The following MFSD12 variants were observed in gnomAD, a reference collection of about 807,000 sequenced individuals.
MFSD12 encodes major facilitator superfamily domain-containing protein 12.
MFSD12 carries 67 observed loss-of-function variants against 51.2 expected under a neutral mutation model. The observed-to-expected ratio is 1.31, with a 90% CI of 1.08 to 1.60. The LOEUF (loss-of-function observed/expected upper bound fraction) is 1.60, where lower values mean the gene tolerates loss of function less well. Ranked by LOEUF, MFSD12 falls within the 40% of genes most tolerant of loss-of-function variation. The pLI, the probability that MFSD12 is intolerant of heterozygous loss-of-function variation, is 0.00. For synonymous variants in MFSD12, 441 were observed against 316.7 expected (o/e 1.39, Z -4.17); for missense variants, 921 against 673.0 (o/e 1.37, Z -4.08).
chr19:3,544,807 A>T lies in MFSD12; in HGVS notation c.1420+2T>A, dbSNP rs1376435128. The T allele has an allele frequency of 3.7e-6, 6 of 1,611,988 alleles. No individual in the cohort carries two copies. Among genetic ancestry groups the T allele is most frequent in the South Asian group, 1.1e-5 (1 of 90,918 alleles). On this transcript the variant is annotated splice_donor_variant, in intron 9 of 9. Coordinates refer to ENST00000355415, the MANE Select transcript of MFSD12 (RefSeq NM_174983.5). LOFTEE classifies it high-confidence loss of function. ...GGGAGGGAGGGGTGGGCCAGGACTCACAGCGTCGCAGGCGGGTCGGCCACA... is the reference window on the plus strand; with the variant it reads ...GGGAGGGAGGGGTGGGCCAGGACTCTCAGCGTCGCAGGCGGGTCGGCCACA...
At chr19:3,545,147 CCAT>C (rs1167146764) in intron 8 of MFSD12, among the ~76,000 whole-genome samples, 11 of 152,208 alleles carry the variant, frequency 7.2e-5, no homozygotes, top group African/African-American at 2.7e-4. Flanking sequence ...GCCAAATCCA[CCAT>C]GTCTCCCCTT....
rs370536231 is a variant in MFSD12 at position 3,546,395 on chromosome 19, G to C, written c.1054C>G (p.Leu352Val). Reference sequence around the variant, plus strand: ...AGCGCCACCCAGGCGGCAAAGGCCAGGATCACCAGGAGGCCTGAGAAGTAG... The same window carrying C: ...AGCGCCACCCAGGCGGCAAAGGCCACGATCACCAGGAGGCCTGAGAAGTAG... The part of the protein sequence containing the change: ...MTYFSGLLVI[L>V]AFAAWVALAE... The change falls in exon 7 of 10, where the codon CTG becomes GTG. Residue 352 changes from leucine to valine, a missense_variant. Transcript: ENST00000355415. 8.7e-6 allele frequency: 14 copies of C among 1,607,904 alleles called. No individual in the cohort carries two copies. The African/African-American group carries it at 1.7e-4, about 20-fold the overall frequency.
chr19:3,539,039 C>T, intron 4 of MFSD12: 2 of 647,256 alleles, frequency 3.1e-6, no homozygotes, highest in Non-Finnish European at 2.8e-6. Context: ...GACTCTCCAG[C>T]CCTTCCCTCG....
Position 3,548,174 on chromosome 19 carries a change from T to C in MFSD12, c.603A>G (p.Gln201=), listed in dbSNP as rs1369279235. ...LQGSSRVEPT[Q]DISISDQLGG... ...CCAGCTGGTCGCTGATGCTGATGTC[T>C]TGGGTGGGCTCCACCCGCGACGAGC... is the stretch of plus-strand genomic sequence containing the variant. The change falls in exon 3 of 10, where the codon CAA becomes CAG. Residue 201 remains glutamine, a synonymous_variant. Coordinates refer to ENST00000355415, the MANE Select transcript of MFSD12 (RefSeq NM_174983.5). 6.3e-7 allele frequency: 1 copy of C among 1,595,878 alleles called. No individual in the cohort carries two copies. Among genetic ancestry groups the C allele is most frequent in the Non-Finnish European group, 8.5e-7 (1 of 1,172,940 alleles).
At chr19:3,554,253 A>G (rs577428381) in intron 1 of MFSD12, among the ~76,000 whole-genome samples, 1 of 151,596 alleles carries the variant, frequency 6.6e-6, no homozygotes, top group Admixed American at 6.6e-5. Flanking sequence ...CCTGGACAAT[A>G]TGGTGAAACC....
downstream of MFSD12, chr19:3,544,067 C>A (rs2030717484): frequency 6.8e-7 from 1 of 1,474,672 alleles, no homozygotes; most frequent in African/African-American, 1.4e-5. Flanking sequence ...GGGCACTAAC[C>A]TAGTCCCAGG....
Position 3,547,985 on chromosome 19 carries a change from G to C in MFSD12, c.700C>G (p.Leu234Val). The C allele has an allele frequency of 6.3e-7, 1 of 1,599,328 alleles. No individual in the cohort carries two copies. The highest frequency in any genetic ancestry group is 1.7e-4 in the Middle Eastern group (1 of 6,050). The change falls in exon 4 of 10, where the codon CTA (leucine) becomes GTA (valine). Residue 234 changes from leucine (L) to valine (V), a missense_variant. By Grantham distance (32) the Leu-to-Val change is conservative (BLOSUM62 1). Coordinates refer to ENST00000355415, the MANE Select transcript of MFSD12 (RefSeq NM_174983.5). ...CTCTCCCGGGTGCCCAGGTGGAATA[G>C]CAGTGAGAACACGGCGCCGACACCC... ...VVGVGAVFSL[L>V]FHLGTRERRR...
In MFSD12 at chr19:3,547,968, G is replaced by C; in HGVS notation, c.717C>G (p.Thr239=). Residue 239 remains threonine (T), a synonymous_variant, in exon 4 of 10, where the codon ACC becomes ACG. Transcript: ENST00000355415. The stretch of plus-strand genomic sequence containing the variant: ...CCGCATGCGGCCGGCGCCTCTCCCG[G>C]GTGCCCAGGTGGAATAGCAGTGAGA... ...AVFSLLFHLG[T]RERRRPHAEE... is the part of the protein sequence containing the mutation. 6.3e-7 allele frequency: 1 copy of C among 1,597,500 alleles called. No homozygotes were observed. The highest frequency in any genetic ancestry group is 1.1e-5 in the South Asian group (1 of 90,778).
At position 3,546,040 on chromosome 19, in the gene MFSD12, A is replaced by G. The variant is rs1388443502; in HGVS notation, c.1289+34T>C. ...CAGGCGCTTAATCCCCTCTTACTGA[A>G]CAAAAGAATGAATGAACGAACAGCG... On this transcript the variant is annotated intron_variant, in intron 8 of 9. Coordinates refer to ENST00000355415, the MANE Select transcript of MFSD12 (RefSeq NM_174983.5). The G allele has an allele frequency of 6.2e-5, 100 of 1,608,268 alleles. 1 individual carries two copies. The East Asian group carries it at 2.2e-3, about 36-fold the overall frequency.
At position 3,550,964 on chromosome 19, in the gene MFSD12, GA is replaced by G; in HGVS notation, c.509+19del. ...GCCGGGGCCCACCCTGCCCGTGGGG[GA>G]GGGTGCCCAGGCTCCCACCTGAGTG... is the stretch of plus-strand genomic sequence containing the variant. On this transcript the variant is annotated intron_variant, in intron 2 of 9. Coordinates refer to ENST00000355415, the MANE Select transcript of MFSD12 (RefSeq NM_174983.5). The G allele has an allele frequency of 6.2e-7, 1 of 1,604,636 alleles. No homozygotes were observed. Among genetic ancestry groups the G allele is most frequent in the Non-Finnish European group, 8.5e-7 (1 of 1,175,842 alleles).
At chr19:3,545,020 C>A (rs1189152462) in intron 8 of MFSD12, 81 bp from the exon 9 acceptor site, 1 of 1,495,276 alleles carries the variant, frequency 6.7e-7, no homozygotes, top group Non-Finnish European at 8.9e-7. Context: ...CCTCCCCTCA[C>A]CCCCGACAGC....
In MFSD12 at chr19:3,557,387, G is replaced by C. The variant is rs1301313941; in HGVS notation, c.17C>G (p.Pro6Arg). Residue 6 changes from proline (P) to arginine (R), a missense_variant, in exon 1 of 10, where the codon CCA becomes CGA. Coordinates refer to ENST00000355415, the MANE Select transcript of MFSD12 (RefSeq NM_174983.5). Reference sequence around the variant, plus strand: ...CGGGGACGGCGCCGCTCCGGCCGCTGGGGGTCCCGGGCCCATCGCGGCGCC... The same window carrying C: ...CGGGGACGGCGCCGCTCCGGCCGCTCGGGGTCCCGGGCCCATCGCGGCGCC... MGPGPPAAGAAPSPRP... is the reference protein window; with the variant it reads MGPGPRAAGAAPSPRP... The C allele has an allele frequency of 9.1e-6, 13 of 1,429,460 alleles. No homozygotes were observed. The highest frequency in any genetic ancestry group is 1.5e-5 in the African/African-American group (1 of 66,982). The allele number at this position is 1,429,460 out of a possible 1,614,324, so 88.5% of individuals were successfully genotyped here.
chr19:3,540,536 G>T (rs536127151), downstream of MFSD12, among the ~76,000 whole-genome samples: 9 of 151,488 alleles, frequency 5.9e-5, no homozygotes, highest in African/African-American at 1.9e-4. Flanking sequence ...GATTACAGGC[G>T]TGAGGCACCG....
chr19:3,555,430 G>C (rs2031683179), intron 1 of MFSD12, among the ~76,000 whole-genome samples: 1 of 152,104 alleles, frequency 6.6e-6, no homozygotes, highest in African/African-American at 2.4e-5. Flanking sequence ...GACTGTCAAA[G>C]AGCTTATCCA....
chr19:3,546,297 G>A lies in MFSD12; in HGVS notation c.1152C>T (p.Val384=). The change falls in exon 7 of 10, where the codon GTC becomes GTT. Residue 384 remains valine (V), a synonymous_variant. Coordinates refer to ENST00000355415, the MANE Select transcript of MFSD12 (RefSeq NM_174983.5). ...GGTCGGCCGTCATGGCCAGCGAGGTGACGAGGATGGTGGCACAGCCAGCAC... is the reference window on the plus strand; with the variant it reads ...GGTCGGCCGTCATGGCCAGCGAGGTAACGAGGATGGTGGCACAGCCAGCAC... ...LLGAGCATIL[V]TSLAMTADLI... 1 of 1,610,262 alleles carries A rather than the reference G, an allele frequency of 6.2e-7. No homozygotes were observed. Among genetic ancestry groups the A allele is most frequent in the Non-Finnish European group, 8.5e-7 (1 of 1,179,078 alleles).
In MFSD12 at chr19:3,549,794, C is replaced by A. The variant is rs538894550; in HGVS notation, c.509+1190G>T. Among the ~76,000 whole-genome samples the A allele has an allele frequency of 2.1e-4, 31 of 149,568 alleles. No individual in the cohort carries two copies. In the East Asian group the frequency reaches 5.9e-3, roughly 29 times the overall value. On this transcript the variant is annotated intron_variant, in intron 2 of 9. Transcript: ENST00000355415. ...ATCCCAGCACTTTGGGAGGCCAAGG[C>A]GGGCAGATCACCTGAGGTCAGGCGT...
In MFSD12 at chr19:3,544,923, T is replaced by C; in HGVS notation, c.1306A>G (p.Arg436Gly). 6.2e-7 allele frequency: 1 copy of C among 1,609,910 alleles called. No individual in the cohort carries two copies. Among genetic ancestry groups the C allele is most frequent in the Middle Eastern group, 1.7e-4 (1 of 5,988 alleles). Residue 436 changes from arginine to glycine, a missense_variant, in exon 9 of 10, where the codon AGG becomes GGG. Arg to Gly is a moderately radical substitution (Grantham distance 125). Transcript: ENST00000355415. Reference protein sequence around the residue: ...LHPCPSELCCRACVSFYHWAM... With the variant: ...LHPCPSELCCGACVSFYHWAM... Reference sequence around the variant, plus strand: ...CAGTGGTAAAAGCTCACGCAGGCCCTGCAGCAGAGCTCTGAGCTGTGGGAG... The same window carrying C: ...CAGTGGTAAAAGCTCACGCAGGCCCCGCAGCAGAGCTCTGAGCTGTGGGAG...
At chr19:3,545,168 T>G (rs2030883257) in intron 8 of MFSD12, among the ~76,000 whole-genome samples, 1 of 152,040 alleles carries the variant, frequency 6.6e-6, no homozygotes, top group Non-Finnish European at 1.5e-5. Flanking sequence ...CTTCCCTGTC[T>G]CCTCATGGTC....
In MFSD12 at chr19:3,548,170, TGTCTTGGGTGGGCTCCACCCGC is replaced by T; in HGVS notation, c.585_606del (p.Arg196SerfsTer83). The T allele has an allele frequency of 6.3e-7, 1 of 1,598,570 alleles. No homozygotes were observed. The highest frequency in any genetic ancestry group is 8.5e-7 in the Non-Finnish European group (1 of 1,174,260). On this transcript the variant is annotated frameshift_variant, in exon 3 of 10. Coordinates refer to ENST00000355415, the MANE Select transcript of MFSD12 (RefSeq NM_174983.5). LOFTEE classifies it high-confidence loss of function. ...CCCCCCAGCTGGTCGCTGATGCTGA[TGTCTTGGGTGGGCTCCACCCGC>T]GACGAGCCCTGCAGGTGCAGCAGGA...
Sources: allele counts gnomAD v4.1 joint callset (sites outside exome capture counted in the v4.1 genomes callset), GRCh38; gene constraint gnomAD v4.1.1; transcripts MANE v1.5; gene names NCBI Gene and HGNC (gene_info 2026-07-23, HGNC 2026-07-21).